UNC13C: variants seen among roughly 807,000 people sequenced by gnomAD.
The protein encoded by UNC13C is unc-13 homolog C.
In UNC13C, 174 loss-of-function variants were observed where a neutral mutation model predicts 245.4. That is an observed-to-expected ratio of 0.71 (90% confidence interval 0.63 to 0.80). The LOEUF is 0.80. UNC13C is among the 30% of genes least tolerant of loss of function. The pLI is 0.00. For missense variants in UNC13C, 2,829 were observed against 2,602.9 expected, an observed-to-expected ratio of 1.09 and a Z score of -1.89; for synonymous variants, 992 against 895.1, an observed-to-expected ratio of 1.11 and a Z score of -1.93.
intron 16 of UNC13C, among the ~76,000 whole-genome samples, chr15:54,334,708 A>G (rs2038528078): frequency 6.6e-6 from 1 of 152,144 alleles, no homozygotes; most frequent in Non-Finnish European, 1.5e-5. Context: ...TGATTAGGAT[A>G]AATAGAATTT....
chr15:54,006,253 A>G (rs1895131502), intron 1 of UNC13C, among the ~76,000 whole-genome samples: 1 of 152,220 alleles, frequency 6.6e-6, no homozygotes, highest in African/African-American at 2.4e-5. Context: ...ATGGGAATGA[A>G]TAAAGTATGT....
At chr15:54,588,246 C>A (rs1000015527) in intron 30 of UNC13C, among the ~76,000 whole-genome samples, 1 of 152,318 alleles carries the variant, frequency 6.6e-6, no homozygotes, top group South Asian at 2.1e-4. Context: ...AATGCTGATA[C>A]ATTTTCAATT....
At chr15:54,147,220 CTTTTTTTT>C (rs5812743) in intron 4 of UNC13C, among the ~76,000 whole-genome samples, 2 of 130,628 alleles carry the variant, frequency 1.5e-5, no homozygotes, top group Admixed American at 1.5e-4. Context: ...ATGAAACTAC[CTTTTTTTT>C]TTTTTTTTTG....
rs765727312 is a variant in UNC13C, at chr15:54,195,663, A to G, written c.3072-39367A>G. The stretch of plus-strand genomic sequence containing the variant: ...CCCTAATACTTGCTCTTTCGTCTCT[A>G]TACTCTTACAGATCATCTCTCATTA... On this transcript the variant is annotated intron_variant, in intron 4 of 32. Coordinates refer to ENST00000260323, the MANE Select transcript of UNC13C (RefSeq NM_001080534.3). Among the ~76,000 whole-genome samples the G allele has an allele frequency of 3.3e-5, 5 of 152,092 alleles. No individual in the cohort carries two copies. The East Asian group carries it at 9.6e-4, about 29-fold the overall frequency.
intron 19 of UNC13C, among the ~76,000 whole-genome samples, chr15:54,450,661 C>T (rs1038942360): frequency 3.3e-5 from 5 of 152,160 alleles, no homozygotes; most frequent in South Asian, 2.1e-4. Flanking sequence ...TTTCCAGGTG[C>T]GGTCTGTCAC....
At chr15:53,931,289 C>G in the UNC13C span, among the ~76,000 whole-genome samples, 1 of 152,122 alleles carries the variant, frequency 6.6e-6, no homozygotes, top group South Asian at 2.1e-4. Context: ...CTGCCTCAGC[C>G]TCCTGAGTAG....
At chr15:54,195,901 T>C (rs1248209335) in intron 4 of UNC13C, among the ~76,000 whole-genome samples, 1 of 152,154 alleles carries the variant, frequency 6.6e-6, no homozygotes, top group Non-Finnish European at 1.5e-5. Flanking sequence ...TAAAATCATC[T>C]GCCCAGCTTA....
chr15:54,591,474 T>C (rs1898787682), intron 30 of UNC13C, among the ~76,000 whole-genome samples: 3 of 152,204 alleles, frequency 2.0e-5, no homozygotes, highest in African/African-American at 7.2e-5. Flanking sequence ...CTACTTGTTA[T>C]TAGTCTGTTC....
At chr15:54,080,180 G>A (rs1465003593) in intron 2 of UNC13C, among the ~76,000 whole-genome samples, 1 of 151,798 alleles carries the variant, frequency 6.6e-6, no homozygotes, top group East Asian at 1.9e-4. Context: ...CCACTTGATT[G>A]TGATGAACTG....
In UNC13C at chr15:54,627,947, C is replaced by T. The variant is rs1901289154; in HGVS notation, c.*834C>T. 1 of 152,506 alleles carries T rather than the reference C, an allele frequency of 6.6e-6. No homozygotes were observed. The highest frequency in any genetic ancestry group is 2.4e-5 in the African/African-American group (1 of 41,430). 9.4% of individuals were successfully genotyped at this position (152,506 alleles called of 1,614,324 possible). On this transcript the variant is annotated 3_prime_UTR_variant, in exon 33 of 33. Transcript: ENST00000260323. ...TAAGTAACTATATTGTTAATATCTT[C>T]CCTCTGACAGTTATGACTCTATAAT...
chr15:54,605,396 A>G (rs1389992693), intron 30 of UNC13C, among the ~76,000 whole-genome samples: 1 of 152,090 alleles, frequency 6.6e-6, no homozygotes, highest in Non-Finnish European at 1.5e-5. Flanking sequence ...CACAGATGCC[A>G]CTGGATTTTG....
At chr15:54,250,528 C>A in intron 8 of UNC13C, 84 bp downstream of exon 8, 2 of 1,314,474 alleles carry the variant, frequency 1.5e-6, no homozygotes, top group East Asian at 5.0e-5. Flanking sequence ...TCAACTCTTG[C>A]TGGTTGTCAA....
At chr15:53,840,417 A>G in the UNC13C span, among the ~76,000 whole-genome samples, 2 of 152,112 alleles carry the variant, frequency 1.3e-5, no homozygotes, top group South Asian at 2.1e-4. Context: ...CTAGAAAGCC[A>G]TTAAGACTGA....
At chr15:54,500,243 T>C (rs1266447963) in intron 21 of UNC13C, 68 bp downstream of exon 21, 10 of 1,132,092 alleles carry the variant, frequency 8.8e-6, no homozygotes, top group Non-Finnish European at 1.3e-5. Context: ...TTTAACCTAA[T>C]GGGAATTATT....
intron 2 of UNC13C, among the ~76,000 whole-genome samples, chr15:54,126,710 G>A (rs2031067819): frequency 6.6e-6 from 1 of 152,110 alleles, no homozygotes; most frequent in African/African-American, 2.4e-5. Context: ...TTGACAAATA[G>A]GATCTAATGA....
At chr15:54,204,503 T>TTATA (rs777474245) in intron 4 of UNC13C, among the ~76,000 whole-genome samples, 4 of 151,960 alleles carry the variant, frequency 2.6e-5, no homozygotes, top group Non-Finnish European at 4.4e-5. Context: ...TTTACCATGT[T>TTATA]TATAGATAGG....
intron 26 of UNC13C, among the ~76,000 whole-genome samples, chr15:54,536,266 C>A (rs1317804543): frequency 6.6e-6 from 1 of 151,832 alleles, no homozygotes; most frequent in Non-Finnish European, 1.5e-5. Context: ...ATACAAACTA[C>A]CAAGATTGAA....
At chr15:53,873,952 CTTCCTTCCTTCCTTCCTTCCT>C in the UNC13C span, among the ~76,000 whole-genome samples, 2 of 127,612 alleles carry the variant, frequency 1.6e-5, no homozygotes, top group Non-Finnish European at 3.2e-5. Context: ...TCCTTCCTTC[CTTCCTTCCTTCCTTCCTTCCT>C]GTCTTTCTTG....
chr15:54,408,344 C>T (rs1255259612), intron 18 of UNC13C, among the ~76,000 whole-genome samples: 13 of 151,624 alleles, frequency 8.6e-5, no homozygotes, highest in Non-Finnish European at 1.8e-4. Flanking sequence ...TATTAAATTT[C>T]CCTTTACATC....
Sources: gnomAD v4.1 joint callset for allele counts (sites outside exome capture counted in the v4.1 genomes callset) on GRCh38, gnomAD v4.1.1 for gene constraint, MANE v1.5 for transcripts, NCBI Gene and HGNC (gene_info 2026-07-23, HGNC 2026-07-21) for gene names.